Variants in TOMM34 observed in about 807,000 individuals in gnomAD.
TOMM34 encodes the protein mitochondrial import receptor subunit TOM34.
In TOMM34, 24 loss-of-function variants were observed where a neutral mutation model predicts 37.4. The observed-to-expected ratio is 0.64, with a 90% confidence interval of 0.46 to 0.90. The LOEUF (loss-of-function observed/expected upper bound fraction) is 0.90, where lower values mean the gene tolerates loss of function less well. Ranked by LOEUF, TOMM34 falls within the 40% of genes least tolerant of loss-of-function variation. The probability of loss-of-function intolerance (pLI) is 0.00; values close to 1 mark genes in which losing one functional copy is unlikely to be tolerated. For missense variants in TOMM34, 304 were observed against 375.6 expected, an observed-to-expected ratio of 0.81 and a Z score of 1.58; for synonymous variants, 154 against 148.9, an observed-to-expected ratio of 1.03 and a Z score of -0.25.
chr20:44,954,762 T>G (rs1029750854), intron 3 of TOMM34, among the ~76,000 whole-genome samples: 1 of 152,188 alleles, frequency 6.6e-6, no homozygotes, highest in African/African-American at 2.4e-5. Context: ...TCTTTCTCAT[T>G]TTGGTATCCC....
intron 5 of TOMM34, among the ~76,000 whole-genome samples, chr20:44,946,071 C>G (rs373070675): frequency 1.3e-5 from 2 of 152,114 alleles, no homozygotes; most frequent in African/African-American, 4.8e-5. Context: ...GTTGGCCAGC[C>G]TGGTCTCAAA....
rs542203876 is a variant in TOMM34, at chr20:44,943,486, G to A, written c.792C>T (p.Phe264=). 9 of 1,614,124 alleles carry A rather than the reference G, an allele frequency of 5.6e-6. No individual in the cohort carries two copies. The South Asian group carries it at 8.8e-5, about 16-fold the overall frequency. The part of the protein sequence containing the change: ...LKLDGKNVKA[F]YRRAQAHKAL... ...CTTTGTGGGCTTGAGCCCGTCTGTA[G>A]AATGCCTTCACGTTCTTTCCATCCA... is the stretch of plus-strand genomic sequence containing the variant. The change falls in exon 6 of 7, where the codon TTC becomes TTT. Residue 264 remains phenylalanine (F), a synonymous_variant. Transcript: ENST00000372813.
At chr20:44,958,460 G>A (rs532695830) in intron 1 of TOMM34, 5 of 463,814 alleles carry the variant, frequency 1.1e-5, no homozygotes, top group Admixed American at 2.4e-5. Flanking sequence ...GCAGTGGTGC[G>A]GTGGAAAGGG....
chr20:44,957,131 C>A (rs541162924), intron 1 of TOMM34, among the ~76,000 whole-genome samples: 42 of 152,296 alleles, frequency 2.8e-4, no homozygotes, highest in Non-Finnish European at 4.7e-4. Context: ...CTAAGGCAGT[C>A]CTTACCCTCA....
chr20:44,948,613 T>C, intron 5 of TOMM34, 117 bp downstream of exon 5: 2 of 1,312,474 alleles, frequency 1.5e-6, no homozygotes, highest in South Asian at 1.5e-5. Context: ...GGATGCATGT[T>C]TTCAGCCATA....
At chr20:44,956,877 A>G (rs1267683470) in intron 1 of TOMM34, among the ~76,000 whole-genome samples, 2 of 151,962 alleles carry the variant, frequency 1.3e-5, no homozygotes, top group African/African-American at 2.4e-5. Flanking sequence ...AAGAAAGAAA[A>G]AAAAAAAAAG....
At chr20:44,959,858 T>C (rs1039025998) in intron 1 of TOMM34, 1 of 922,818 alleles carries the variant, frequency 1.1e-6, no homozygotes, top group Non-Finnish European at 1.3e-6. Flanking sequence ...CCCACAAGAA[T>C]GCGCTGTCCT....
chr20:44,948,510 G>A (rs778255591), intron 5 of TOMM34, among the ~76,000 whole-genome samples: 4 of 149,112 alleles, frequency 2.7e-5, no homozygotes, highest in Non-Finnish European at 6.1e-5. Context: ...TCTGGGGACA[G>A]GGGCCAACAA....
At chr20:44,950,953 C>T (rs985165377) in intron 4 of TOMM34, among the ~76,000 whole-genome samples, 1 of 152,180 alleles carries the variant, frequency 6.6e-6, no homozygotes, top group Non-Finnish European at 1.5e-5. Context: ...GAGGAATCTC[C>T]TGTTTTTGGC....
intron 2 of TOMM34, 105 bp from the exon 3 acceptor site, chr20:44,955,325 G>GT: frequency 7.0e-7 from 1 of 1,438,496 alleles, no homozygotes; most frequent in South Asian, 1.3e-5. Context: ...CGTACAGGAA[G>GT]TAATTTCTGG....
intron 1 of TOMM34, chr20:44,959,960 G>A (rs889126100): frequency 7.1e-5 from 70 of 985,330 alleles, no homozygotes; most frequent in Non-Finnish European, 1.4e-5. Flanking sequence ...CTGCGGGGGA[G>A]GAGGGTTTAG....
chr20:44,947,498 A>C (rs1390156095), intron 5 of TOMM34, among the ~76,000 whole-genome samples: 1 of 152,166 alleles, frequency 6.6e-6, no homozygotes, highest in Non-Finnish European at 1.5e-5. Flanking sequence ...CTAAAATGGA[A>C]AACACTTCTT....
At chr20:44,957,105 A>G (rs1007933014) in intron 1 of TOMM34, among the ~76,000 whole-genome samples, 2 of 152,210 alleles carry the variant, frequency 1.3e-5, no homozygotes, top group Non-Finnish European at 2.9e-5. Flanking sequence ...CATGGGGAGA[A>G]TTATTAGACA....
intron 3 of TOMM34, among the ~76,000 whole-genome samples, chr20:44,954,763 T>G (rs930056912): frequency 2.0e-5 from 3 of 152,208 alleles, no homozygotes; most frequent in Non-Finnish European, 4.4e-5. Context: ...CTTTCTCATT[T>G]TGGTATCCCC....
At chr20:44,955,279 C>G in intron 2 of TOMM34, 59 bp from the exon 3 acceptor site, 1 of 1,587,974 alleles carries the variant, frequency 6.3e-7, no homozygotes, top group Non-Finnish European at 8.6e-7. Flanking sequence ...GGTTTCCCTA[C>G]AGTTTCTTCC....
At chr20:44,955,003 G>A (rs2145604962) in intron 3 of TOMM34, 65 bp downstream of exon 3, 3 of 1,578,822 alleles carry the variant, frequency 1.9e-6, no homozygotes, top group South Asian at 1.2e-5. Flanking sequence ...CAAGGCAATG[G>A]CCCGCAGCCA....
intron 5 of TOMM34, 77 bp downstream of exon 5, chr20:44,948,653 G>C: frequency 6.5e-7 from 1 of 1,545,586 alleles, no homozygotes; most frequent in Non-Finnish European, 8.8e-7. Context: ...AGGGATGAAG[G>C]GCCCATTGCA....
At chr20:44,955,930 G>A (rs1157415580) in intron 2 of TOMM34, among the ~76,000 whole-genome samples, 1 of 152,180 alleles carries the variant, frequency 6.6e-6, no homozygotes, top group Non-Finnish European at 1.5e-5. Context: ...ATGAAACATT[G>A]TTCAGTGTCC....
chr20:44,947,358 T>C (rs572082112), intron 5 of TOMM34, among the ~76,000 whole-genome samples: 10 of 152,352 alleles, frequency 6.6e-5, no homozygotes, highest in South Asian at 6.2e-4. Flanking sequence ...TGAAGCTATT[T>C]AGTTTCTCTA....
Sources: allele counts gnomAD v4.1 joint callset (sites outside exome capture counted in the v4.1 genomes callset), GRCh38; gene constraint gnomAD v4.1.1; transcripts MANE v1.5; gene names NCBI Gene and HGNC (gene_info 2026-07-23, HGNC 2026-07-21).